FAM90A20: variants seen among roughly 807,000 people sequenced by gnomAD.
The protein encoded by FAM90A20 is protein FAM90A20.
chr8:7,297,686 C>T, the FAM90A20 span: 1 of 1,407,366 alleles, frequency 7.1e-7, no homozygotes, highest in Non-Finnish European at 9.7e-7. Flanking sequence ...CAGGAGGACA[C>T]CGGCCCAGGT....
chr8:7,296,409 C>A, the FAM90A20 span: 36 of 739,432 alleles, frequency 4.9e-5, 2 homozygotes, highest in Non-Finnish European at 8.1e-5. Flanking sequence ...TGAGTGTCAC[C>A]CCGGGCCCCT....
At chr8:7,297,324 G>A in the FAM90A20 span, 4 of 1,362,210 alleles carry the variant, frequency 2.9e-6, 1 homozygote, top group African/African-American at 4.3e-5. Flanking sequence ...ACACACAGCA[G>A]CCCTGAGGGT....
At chr8:7,296,514 G>C in the FAM90A20 span, 1 of 639,342 alleles carries the variant, frequency 1.6e-6, no homozygotes, top group Non-Finnish European at 2.9e-6. Flanking sequence ...GTCTTCTTGG[G>C]GTCAGGGCCT....
At chr8:7,297,735 G>T in the FAM90A20 span, 1 of 1,494,732 alleles carries the variant, frequency 6.7e-7, no homozygotes, top group South Asian at 1.1e-5. Context: ...CGCAGACCTT[G>T]CCTGCCTACT....
the FAM90A20 span, chr8:7,296,209 G>T: frequency 1.5e-6 from 1 of 660,848 alleles, no homozygotes. Flanking sequence ...GACACGGAAT[G>T]GGGCTGGGCC....
the FAM90A20 span, chr8:7,297,664 G>T: frequency 1.0e-5 from 14 of 1,381,712 alleles, 1 homozygote; most frequent in Non-Finnish European, 1.4e-5. Flanking sequence ...CAAGTAGGTC[G>T]CCCCAGATGG....
At chr8:7,296,026 G>T in the FAM90A20 span, among the ~76,000 whole-genome samples, 2 of 129,384 alleles carry the variant, frequency 1.5e-5, no homozygotes, top group Middle Eastern at 3.3e-3. Context: ...CAGGGACGGG[G>T]AGAGGCGGGG....
At chr8:7,296,543 A>G in the FAM90A20 span, 8 of 610,496 alleles carry the variant, frequency 1.3e-5, no homozygotes, top group South Asian at 1.2e-4. Context: ...CTTGCAGGTC[A>G]GTTTGATTCC....
chr8:7,297,457 C>A, the FAM90A20 span: 1 of 1,549,886 alleles, frequency 6.5e-7, no homozygotes, highest in South Asian at 1.1e-5. Context: ...CCGCCACACA[C>A]AGCTTGGGCC....
chr8:7,297,021 T>C, the FAM90A20 span: 6 of 1,445,736 alleles, frequency 4.2e-6, 1 homozygote, highest in East Asian at 2.4e-5. Flanking sequence ...GTTGGCTCCA[T>C]GCTGAGGAAC....
At chr8:7,295,504 C>T in the FAM90A20 span, 10 of 538,372 alleles carry the variant, frequency 1.9e-5, no homozygotes, top group Non-Finnish European at 3.2e-5. Context: ...TTAACGGCCC[C>T]CATGCCGGTG....
the FAM90A20 span, chr8:7,297,325 C>T: frequency 8.8e-6 from 12 of 1,366,538 alleles, 1 homozygote; most frequent in African/African-American, 4.3e-5. Context: ...CACACAGCAG[C>T]CCTGAGGGTA....
At chr8:7,296,697 C>T in the FAM90A20 span, among the ~76,000 whole-genome samples, 2 of 135,740 alleles carry the variant, frequency 1.5e-5, no homozygotes, top group Admixed American at 6.9e-5. Flanking sequence ...AACCCAGGAA[C>T]ATGCATGTGT....
chr8:7,296,825 G>A, the FAM90A20 span, among the ~76,000 whole-genome samples: 1 of 136,094 alleles, frequency 7.3e-6, no homozygotes, highest in Non-Finnish European at 1.5e-5. Context: ...TGCCCAAGAC[G>A]CAATCTTTTG....
At chr8:7,296,356 C>G in the FAM90A20 span, 1 of 746,378 alleles carries the variant, frequency 1.3e-6, no homozygotes, top group Non-Finnish European at 2.4e-6. Flanking sequence ...GAAGCCGCTG[C>G]CGAATGGAAA....
the FAM90A20 span, chr8:7,295,790 C>A: frequency 7.4e-6 from 9 of 1,214,378 alleles, 1 homozygote; most frequent in Admixed American, 1.2e-4. Context: ...CAACCCGGGG[C>A]CCTTGAACAA....
chr8:7,297,818 C>T, the FAM90A20 span: 8 of 1,134,980 alleles, frequency 7.0e-6, 1 homozygote, highest in African/African-American at 4.9e-5. Flanking sequence ...AGTGCTCTTC[C>T]GGAGACTGGA....
chr8:7,297,427 C>G, the FAM90A20 span: 9 of 1,555,460 alleles, frequency 5.8e-6, no homozygotes, highest in East Asian at 2.2e-5. Flanking sequence ...CTGCGGTGAC[C>G]TCACAGCCCT....
the FAM90A20 span, among the ~76,000 whole-genome samples, chr8:7,296,744 C>G: frequency 6.6e-5 from 9 of 136,000 alleles, 2 homozygotes; most frequent in African/African-American, 2.1e-4. Context: ...GAGCCACCAA[C>G]CTGCCTTCGG....
Sources: allele counts gnomAD v4.1 joint callset (sites outside exome capture counted in the v4.1 genomes callset), GRCh38; gene constraint gnomAD v4.1.1; transcripts MANE v1.5; gene names NCBI Gene and HGNC (gene_info 2026-07-23, HGNC 2026-07-21).